MED4: variants seen among roughly 807,000 people sequenced by gnomAD.
The protein encoded by MED4 is mediator complex subunit 4.
A neutral mutation model predicts 35.0 loss-of-function variants in MED4; 21 were observed. The ratio of observed to expected loss-of-function variants is 0.60; its 90% confidence interval spans 0.43 to 0.86. The LOEUF is 0.86. Among genes scored for constraint, MED4 ranks in the 40% least tolerant of loss-of-function variants. MED4 has a pLI of 0.00. For synonymous variants in MED4, 138 were observed against 114.0 expected, an observed-to-expected ratio of 1.21 and a Z score of -1.34; for missense variants, 300 against 319.4, an observed-to-expected ratio of 0.94 and a Z score of 0.46.
rs973603795 is a variant in MED4 at position 48,086,284 on chromosome 13, G to A, written c.361C>T (p.Leu121=). Residue 121 remains leucine (L), a splice_region_variant and synonymous_variant, in exon 3 of 7, where the codon CTG becomes TTG. Transcript: ENST00000258648. ...QKQLKEAEQI[L]ATAVYQAKEK... ...AGAACCAACCTCTGTCAACTTACCAGTATTTGTTCTGCTTCCTTTAGCTGT... is the reference window on the plus strand; with the variant it reads ...AGAACCAACCTCTGTCAACTTACCAATATTTGTTCTGCTTCCTTTAGCTGT... 8.1e-6 allele frequency: 13 copies of A among 1,613,224 alleles called. No individual in the cohort carries two copies. Among genetic ancestry groups the A allele is most frequent in the Non-Finnish European group, 1.0e-5 (12 of 1,179,668 alleles).
In MED4 at chr13:48,086,271, T is replaced by C. The variant is rs774085520; in HGVS notation, c.363+11A>G. ...CTTTTTAACCTTAAGAACCAACCTC[T>C]GTCAACTTACCAGTATTTGTTCTGC... On this transcript the variant is annotated intron_variant, in intron 3 of 6. Transcript: ENST00000258648. 1 of 1,611,646 alleles carries C rather than the reference T, an allele frequency of 6.2e-7. No homozygotes were observed. The highest frequency in any genetic ancestry group is 1.1e-5 in the South Asian group (1 of 90,966).
chr13:48,082,554 G>A (rs756977482), intron 4 of MED4, among the ~76,000 whole-genome samples: 43 of 152,162 alleles, frequency 2.8e-4, no homozygotes, highest in Non-Finnish European at 3.8e-4. Context: ...TTGGCTGGGC[G>A]CAGTGGCTCA....
chr13:48,078,132 T>C (rs1430230158), intron 6 of MED4, among the ~76,000 whole-genome samples: 2 of 152,184 alleles, frequency 1.3e-5, no homozygotes, highest in African/African-American at 2.4e-5. Context: ...TCTGTATTTC[T>C]GAAGCAAAGG....
intron 3 of MED4, among the ~76,000 whole-genome samples, chr13:48,083,758 T>G (rs775424879): frequency 6.6e-6 from 1 of 152,240 alleles, no homozygotes; most frequent in African/African-American, 2.4e-5. Flanking sequence ...AGCATCCTAT[T>G]CTTGCAACTA....
At position 48,094,980 on chromosome 13, in the gene MED4, CGCAGACA is replaced by C. The variant is rs751881682; in HGVS notation, c.92_98del (p.Leu31ArgfsTer13). 2.5e-6 allele frequency: 4 copies of C among 1,603,922 alleles called. No individual in the cohort carries two copies. In the African/African-American group the frequency reaches 4.0e-5, roughly 16 times the overall value. On this transcript the variant is annotated frameshift_variant, in exon 1 of 7. Transcript: ENST00000258648. LOFTEE classifies it high-confidence loss of function. The stretch of plus-strand genomic sequence containing the variant: ...TAGACAGGACCTCCAAGTCCTCAAG[CGCAGACA>C]GCAGCCGCTCTCGTGTGCTGTTACC...
rs1950758477 is a variant in MED4 at position 48,076,332 on chromosome 13, G to T, written c.*807C>A. The T allele has an allele frequency of 6.6e-6, 1 of 152,140 alleles. No individual in the cohort carries two copies. The highest frequency in any genetic ancestry group is 1.5e-5 in the Non-Finnish European group (1 of 68,000). The allele number at this position is 152,140 out of a possible 1,614,324, so 9.4% of individuals were successfully genotyped here. A position where few individuals can be genotyped will look rare whatever the true frequency, so the allele number is the denominator to read the frequency against. ...AACTGTAAGAAGAGGAAGGTGAAGG[G>T]AAGAAATGGTTGCTTTCCATTCTAA... On this transcript the variant is annotated 3_prime_UTR_variant, in exon 7 of 7. Coordinates refer to ENST00000258648, the MANE Select transcript of MED4 (RefSeq NM_014166.4).
At chr13:48,094,884 C>T (rs764977785) in intron 1 of MED4, 70 bp downstream of exon 1, 405 of 1,576,990 alleles carry the variant, frequency 2.6e-4, no homozygotes, top group Non-Finnish European at 3.2e-4. Flanking sequence ...AGCACAAACG[C>T]AGGGCCGGCC....
At chr13:48,085,642 T>C (rs1950843373) in intron 3 of MED4, among the ~76,000 whole-genome samples, 1 of 152,236 alleles carries the variant, frequency 6.6e-6, no homozygotes, top group African/African-American at 2.4e-5. Flanking sequence ...ATGCCAGCAA[T>C]GTCTGGTCGA....
rs539293256 is a variant in MED4 at position 48,094,494 on chromosome 13, G to C, written c.125+460C>G. Among the ~76,000 whole-genome samples the C allele has an allele frequency of 3.3e-5, 5 of 152,236 alleles. No homozygotes were observed. The South Asian group carries it at 1.0e-3, about 32-fold the overall frequency. ...TTGGCGAGCTCATGCTTCCCAAGCA[G>C]CACTTTCTTCAGAGGGCCTGCCCTG... On this transcript the variant is annotated intron_variant, in intron 1 of 6. Transcript: ENST00000258648.
intron 1 of MED4, among the ~76,000 whole-genome samples, chr13:48,092,306 T>C (rs146965999): frequency 0.045 from 6,774 of 152,040 alleles, 181 homozygotes; most frequent in Middle Eastern, 0.068. Context: ...CAGATGGGGT[T>C]TCTCCCTGTT....
chr13:48,093,440 AG>A, intron 1 of MED4: 1 of 274,232 alleles, frequency 3.6e-6, no homozygotes, highest in Non-Finnish European at 7.9e-6. Flanking sequence ...AAAATATGTA[AG>A]GTATATTCGT....
chr13:48,086,951 CAGG>C (rs1413409117), intron 2 of MED4, among the ~76,000 whole-genome samples: 1 of 151,076 alleles, frequency 6.6e-6, no homozygotes, highest in Admixed American at 6.6e-5. Context: ...CAGGCTGAGG[CAGG>C]AGAATTGCAT....
At chr13:48,094,902 G>T (rs1441283275) in intron 1 of MED4, 52 bp downstream of exon 1, 6 of 1,585,680 alleles carry the variant, frequency 3.8e-6, no homozygotes, top group African/African-American at 2.7e-5. Context: ...GCCGGCTCCG[G>T]GGTCAGTCCC....
At chr13:48,084,353 T>G (rs1344538402) in intron 3 of MED4, among the ~76,000 whole-genome samples, 1 of 151,964 alleles carries the variant, frequency 6.6e-6, no homozygotes, top group Non-Finnish European at 1.5e-5. Context: ...CATGGGCAAG[T>G]TAGTTATTAA....
chr13:48,083,504 G>T, intron 3 of MED4, 76 bp from the exon 4 acceptor site: 1 of 1,165,614 alleles, frequency 8.6e-7, no homozygotes, highest in Non-Finnish European at 1.3e-6. Context: ...TAATTCACAA[G>T]ATCCTTTAGC....
intron 2 of MED4, among the ~76,000 whole-genome samples, chr13:48,087,824 T>C (rs903303675): frequency 1.3e-5 from 2 of 151,338 alleles, no homozygotes; most frequent in Non-Finnish European, 2.9e-5. Flanking sequence ...CACTCCAGCC[T>C]GGGTGACAGA....
intron 3 of MED4, 72 bp downstream of exon 3, chr13:48,086,210 G>T: frequency 7.0e-7 from 1 of 1,427,730 alleles, no homozygotes; most frequent in Non-Finnish European, 9.6e-7. Context: ...TCAAAATATT[G>T]ATAACAGATT....
chr13:48,077,106 T>C lies in MED4; in HGVS notation c.*33A>G, dbSNP rs1205468916. 1 of 1,522,300 alleles carries C rather than the reference T, an allele frequency of 6.6e-7. No individual in the cohort carries two copies. Among genetic ancestry groups the C allele is most frequent in the Non-Finnish European group, 8.9e-7 (1 of 1,126,300 alleles). 94.3% of individuals were successfully genotyped at this position (1,522,300 alleles called of 1,614,324 possible). A position where few individuals can be genotyped will look rare whatever the true frequency, so the allele number is the denominator to read the frequency against. ...CTGTTAAAGAAACAGAATTCTACAG[T>C]ATTCAATTCTGTATATTGTCTTTTA... On this transcript the variant is annotated 3_prime_UTR_variant, in exon 7 of 7. Transcript: ENST00000258648.
At chr13:48,083,558 T>C (rs1950826302) in intron 3 of MED4, 130 bp from the exon 4 acceptor site, 3 of 633,906 alleles carry the variant, frequency 4.7e-6, no homozygotes, top group Middle Eastern at 2.8e-4. Context: ...AACAATTTAT[T>C]TGTAATGTTC....
Sources: allele counts gnomAD v4.1 joint callset (sites outside exome capture counted in the v4.1 genomes callset), GRCh38; gene constraint gnomAD v4.1.1; transcripts MANE v1.5; gene names NCBI Gene and HGNC (gene_info 2026-07-23, HGNC 2026-07-21).